The following USP15 variants were observed in gnomAD, a reference collection of about 807,000 sequenced individuals.
The protein encoded by USP15 is ubiquitin specific peptidase 15.
In USP15, 18 loss-of-function variants were observed where a neutral mutation model predicts 127.1. That is an observed-to-expected ratio of 0.14 (90% CI 0.10 to 0.21). The LOEUF (loss-of-function observed/expected upper bound fraction) is 0.21, where lower values mean the gene tolerates loss of function less well. USP15 is among the 10% of genes least tolerant of loss of function. The probability of loss-of-function intolerance (pLI) is 1.00; values close to 1 mark genes in which losing one functional copy is unlikely to be tolerated. For synonymous variants in USP15, 364 were observed against 393.7 expected (o/e 0.92, Z 0.89); for missense variants, 805 against 1,159.9 (o/e 0.69, Z 4.44).
chr12:62,314,096 CT>C, intron 3 of USP15: 1 of 734,926 alleles, frequency 1.4e-6, no homozygotes, highest in Non-Finnish European at 1.7e-6. Context: ...CCTTTTTATG[CT>C]TTATGGCTTG....
chr12:62,339,975 T>C (rs1346891261), intron 6 of USP15, among the ~76,000 whole-genome samples: 2 of 152,214 alleles, frequency 1.3e-5, no homozygotes, highest in Non-Finnish European at 2.9e-5. Context: ...AGCTCCTCTT[T>C]GTACCTCTGG....
At chr12:62,393,327 T>A in intron 19 of USP15, 125 bp downstream of exon 19, 1 of 1,129,800 alleles carries the variant, frequency 8.9e-7, no homozygotes, top group East Asian at 2.5e-5. Context: ...TTCAAGTTTG[T>A]TTTTGAGTAG....
chr12:62,354,210 A>G (rs2066050091), intron 7 of USP15, among the ~76,000 whole-genome samples: 1 of 151,776 alleles, frequency 6.6e-6, no homozygotes, highest in Admixed American at 6.6e-5. Flanking sequence ...AACTTTTATA[A>G]TAATAAAGTG....
chr12:62,370,065 C>T (rs958782570), intron 8 of USP15, among the ~76,000 whole-genome samples: 1 of 152,150 alleles, frequency 6.6e-6, no homozygotes, highest in Non-Finnish European at 1.5e-5. Flanking sequence ...ACCTCTGCCT[C>T]CCGGGTTCAA....
chr12:62,356,993 C>G (rs564142620), intron 8 of USP15, among the ~76,000 whole-genome samples: 1 of 152,172 alleles, frequency 6.6e-6, no homozygotes, highest in African/African-American at 2.4e-5. Flanking sequence ...TTATGTACCT[C>G]TTTATCCTTG....
At chr12:62,270,389 T>C (rs1375885271) in intron 1 of USP15, among the ~76,000 whole-genome samples, 2 of 152,156 alleles carry the variant, frequency 1.3e-5, no homozygotes, top group African/African-American at 4.8e-5. Context: ...GCCTGTTTTT[T>C]CCTTTGTCAC....
chr12:62,326,767 T>TA (rs1364791435), intron 6 of USP15, among the ~76,000 whole-genome samples: 1 of 152,222 alleles, frequency 6.6e-6, no homozygotes, highest in African/African-American at 2.4e-5. Flanking sequence ...ATGATATTTT[T>TA]AAAAAACTAA....
At chr12:62,357,913 AG>A (rs1565883645) in intron 8 of USP15, among the ~76,000 whole-genome samples, 1 of 152,160 alleles carries the variant, frequency 6.6e-6, no homozygotes, top group East Asian at 1.9e-4. Context: ...AAAAATAAAA[AG>A]GGTAATAGAT....
At position 62,344,230 on chromosome 12, in the gene USP15, A is replaced by T. The variant is rs565751618; in HGVS notation, c.684-4991A>T. Reference sequence around the variant, plus strand: ...CAAAAACAAGTTAGTTACTTCCTAGATACAAGGAAGATACAGGCATTGGGT... The same window carrying T: ...CAAAAACAAGTTAGTTACTTCCTAGTTACAAGGAAGATACAGGCATTGGGT... On this transcript the variant is annotated intron_variant, in intron 6 of 21. Transcript: ENST00000280377. Among the ~76,000 whole-genome samples the T allele has an allele frequency of 5.3e-5, 8 of 152,340 alleles. No individual in the cohort carries two copies. In the East Asian group the frequency reaches 1.3e-3, roughly 26 times the overall value.
intron 6 of USP15, among the ~76,000 whole-genome samples, chr12:62,327,093 G>A (rs978882486): frequency 3.9e-5 from 6 of 152,022 alleles, no homozygotes; most frequent in African/African-American, 1.5e-4. Flanking sequence ...TCGTGCTGCT[G>A]TACTTCCAGC....
At chr12:62,290,985 T>A (rs1035545401) in intron 1 of USP15, among the ~76,000 whole-genome samples, 2 of 152,202 alleles carry the variant, frequency 1.3e-5, no homozygotes, top group African/African-American at 2.4e-5. Context: ...GGAAGTCTGC[T>A]GTTAGTCTGA....
chr12:62,347,237 C>A (rs2065845441), intron 6 of USP15, among the ~76,000 whole-genome samples: 1 of 151,252 alleles, frequency 6.6e-6, no homozygotes, highest in South Asian at 2.1e-4. Flanking sequence ...CAATATAGTT[C>A]TCAGAGTTGC....
chr12:62,314,098 T>G (rs2137248811), intron 3 of USP15: 1 of 730,654 alleles, frequency 1.4e-6, no homozygotes, highest in South Asian at 6.2e-5. Context: ...TTTTTATGCT[T>G]TATGGCTTGC....
At chr12:62,269,586 T>TA (rs1217240262) in intron 1 of USP15, among the ~76,000 whole-genome samples, 3 of 151,934 alleles carry the variant, frequency 2.0e-5, no homozygotes, top group Non-Finnish European at 2.9e-5. Context: ...GTCTATTTTT[T>TA]ATTTTTATTT....
rs1308201045 is a variant in USP15, at chr12:62,396,401, A to G, written c.2674+3A>G. The G allele has an allele frequency of 6.2e-7, 1 of 1,612,864 alleles. No homozygotes were observed. The highest frequency in any genetic ancestry group is 1.7e-5 in the Admixed American group (1 of 60,012). On this transcript the variant is annotated splice_donor_region_variant and intron_variant, in intron 20 of 21. Transcript: ENST00000280377. ...TGGAGGGATGGGAGGAGGACACTGTAAGTTGACAGTTTGCCTTTTTACCCA... is the reference window on the plus strand; with the variant it reads ...TGGAGGGATGGGAGGAGGACACTGTGAGTTGACAGTTTGCCTTTTTACCCA...
intron 8 of USP15, 61 bp from the exon 9 acceptor site, chr12:62,381,427 ATG>A (rs2066987897): frequency 2.2e-6 from 3 of 1,382,518 alleles, no homozygotes; most frequent in Non-Finnish European, 1.9e-6. Context: ...CTTCATATTA[ATG>A]TGTTTTAAGA....
In USP15 at chr12:62,405,261, T is replaced by G. The variant is rs2067829069; in HGVS notation, c.*886T>G. ...AATTATTGTAATATAAGGACAGACA[T>G]AATAGTATTCTGTACCCATAGTAAT... On this transcript the variant is annotated 3_prime_UTR_variant, in exon 22 of 22. Transcript: ENST00000280377. The G allele has an allele frequency of 6.6e-6, 1 of 152,138 alleles. No individual in the cohort carries two copies. The allele number at this position is 152,138 out of a possible 1,614,324, so 9.4% of individuals were successfully genotyped here.
Position 62,324,572 on chromosome 12 carries a change from A to C in USP15, c.622-1300A>C, listed in dbSNP as rs115915005. Among the ~76,000 whole-genome samples the C allele has an allele frequency of 7.6e-3, 1,163 of 152,106 alleles. 13 individuals carry two copies. The highest frequency in any genetic ancestry group is 0.026 in the African/African-American group (1,092 of 41,556). ...AAAACTATATCAGAATGAAAATCAG[A>C]AAATTGAGACAGTGATTACTTGTCT... On this transcript the variant is annotated intron_variant, in intron 5 of 21. Transcript: ENST00000280377.
intron 8 of USP15, among the ~76,000 whole-genome samples, chr12:62,356,969 A>G (rs543771429): frequency 6.6e-6 from 1 of 152,182 alleles, no homozygotes; most frequent in Admixed American, 6.6e-5. Flanking sequence ...CAGATCACCA[A>G]GTTATATTAA....
Sources: allele counts gnomAD v4.1 joint callset (sites outside exome capture counted in the v4.1 genomes callset), GRCh38; gene constraint gnomAD v4.1.1; transcripts MANE v1.5; gene names NCBI Gene and HGNC (gene_info 2026-07-23, HGNC 2026-07-21).